Variants in ABCA4 observed in about 807,000 individuals in gnomAD.
The protein encoded by ABCA4 is retinal-specific phospholipid-transporting ATPase ABCA4.
In ABCA4, 196 loss-of-function variants were observed where a neutral mutation model predicts 263.7. The ratio of observed to expected loss-of-function variants is 0.74; its 90% CI spans 0.66 to 0.84. The LOEUF is 0.84. Ranked by LOEUF, ABCA4 falls within the 40% of genes least tolerant of loss-of-function variation. ABCA4 has a pLI of 0.00. For synonymous variants in ABCA4, 1,133 were observed against 1,094.2 expected (o/e 1.04, Z -0.70); for missense variants, 2,792 against 2,855.1 (o/e 0.98, Z 0.50).
At chr1:94,120,875 A>T in intron 1 of ABCA4, 105 bp downstream of exon 1, 3 of 758,334 alleles carry the variant, frequency 4.0e-6, no homozygotes, top group Non-Finnish European at 6.7e-6. Context: ...ACTGCTCACA[A>T]CCCCCCACCC....
intron 37 of ABCA4, 129 bp from the exon 38 acceptor site, chr1:94,014,819 C>T (rs576367736): frequency 8.7e-7 from 1 of 1,154,986 alleles, no homozygotes; most frequent in African/African-American, 1.5e-5. Flanking sequence ...CCCAGGGGAC[C>T]AGAGAGATAC....
chr1:94,096,071 T>C (rs1302083681), intron 6 of ABCA4, among the ~76,000 whole-genome samples: 1 of 152,188 alleles, frequency 6.6e-6, no homozygotes, highest in Non-Finnish European at 1.5e-5. Context: ...TGAAAGTTCT[T>C]TGGACCCTCA....
rs767972465 is a variant in ABCA4, at chr1:94,005,585, G to A, written c.6006-3C>T. 6.2e-7 allele frequency: 1 copy of A among 1,613,684 alleles called. No homozygotes were observed. Among genetic ancestry groups the A allele is most frequent in the Non-Finnish European group, 8.5e-7 (1 of 1,179,700 alleles). On this transcript the variant is annotated splice_polypyrimidine_tract_variant and splice_region_variant and intron_variant, in intron 43 of 49. Coordinates refer to ENST00000370225, the MANE Select transcript of ABCA4 (RefSeq NM_000350.3). ...CTTCAGAAATATTGGTTAAAATACT[G>A]CAAGAAAAAAAGCAATTACTGAGTA... is the stretch of plus-strand genomic sequence containing the variant.
In ABCA4 at chr1:94,011,341, G is replaced by T. The variant is rs779037470; in HGVS notation, c.5505C>A (p.Val1835=). Residue 1835 remains valine, a synonymous_variant, in exon 39 of 50, where the codon GTC becomes GTA. Transcript: ENST00000370225. The part of the protein sequence containing the change: ...FNAVLRKLLI[V]FPHFCLGRGL... ...CCCGGCCCAGGCAGAAGTGGGGGAAGACAATGAGCAGCTTCCTCAGCACGG... is the reference window on the plus strand; with the variant it reads ...CCCGGCCCAGGCAGAAGTGGGGGAATACAATGAGCAGCTTCCTCAGCACGG... 15 of 1,613,994 alleles carry T rather than the reference G, an allele frequency of 9.3e-6. No homozygotes were observed. The highest frequency in any genetic ancestry group is 8.5e-7 in the Non-Finnish European group (1 of 1,180,026).
intron 17 of ABCA4, among the ~76,000 whole-genome samples, chr1:94,050,775 A>C (rs1196288721): frequency 6.6e-6 from 1 of 152,216 alleles, no homozygotes; most frequent in Non-Finnish European, 1.5e-5. Context: ...AAAAGCAAAA[A>C]ACAAAAGAAA....
intron 44 of ABCA4, among the ~76,000 whole-genome samples, chr1:94,002,586 C>T (rs1659222337): frequency 6.6e-6 from 1 of 152,206 alleles, no homozygotes; most frequent in Non-Finnish European, 1.5e-5. Flanking sequence ...TGTGTGTGCA[C>T]ATGCGCAGGA....
At chr1:94,071,723 C>T (rs1661403622) in intron 11 of ABCA4, among the ~76,000 whole-genome samples, 1 of 152,198 alleles carries the variant, frequency 6.6e-6, no homozygotes, top group South Asian at 2.1e-4. Context: ...ACTATTTGGA[C>T]CTCCACCCAT....
intron 37 of ABCA4, 101 bp downstream of exon 37, chr1:94,015,638 A>C: frequency 1.1e-6 from 1 of 941,254 alleles, no homozygotes; most frequent in Non-Finnish European, 1.7e-6. Flanking sequence ...TGTGGGTGCT[A>C]CCACCACAGG....
At chr1:94,015,299 C>G (rs1233661538) in intron 37 of ABCA4, among the ~76,000 whole-genome samples, 1 of 152,186 alleles carries the variant, frequency 6.6e-6, no homozygotes, top group Admixed American at 6.5e-5. Flanking sequence ...CCTGTGTCAT[C>G]CTCTGTCCCT....
At chr1:94,001,189 G>C in intron 45 of ABCA4, 84 bp from the exon 46 acceptor site, 1 of 1,138,598 alleles carries the variant, frequency 8.8e-7, no homozygotes, top group Non-Finnish European at 1.3e-6. Context: ...GCTCCCCTGT[G>C]GAGGATGAGC....
intron 45 of ABCA4, 67 bp from the exon 46 acceptor site, chr1:94,001,172 T>G: frequency 7.4e-7 from 1 of 1,344,132 alleles, no homozygotes; most frequent in African/African-American, 1.5e-5. Context: ...TGCTTCCCCC[T>G]GGGCTGGCTC....
chr1:94,053,501 C>A (rs1318043391), intron 16 of ABCA4, among the ~76,000 whole-genome samples: 1 of 152,200 alleles, frequency 6.6e-6, no homozygotes, highest in Non-Finnish European at 1.5e-5. Flanking sequence ...TGTTTAGGAA[C>A]AGGGTCATTG....
intron 39 of ABCA4, 68 bp downstream of exon 39, chr1:94,011,194 G>A: frequency 1.2e-6 from 2 of 1,611,018 alleles, no homozygotes; most frequent in South Asian, 1.1e-5. Flanking sequence ...TGATGCAGGA[G>A]CCCCCCCGGT....
chr1:94,031,800 C>T lies in ABCA4; in HGVS notation c.4106G>A (p.Ser1369Asn). Residue 1369 changes from serine to asparagine, a missense_variant, in exon 27 of 50, where the codon AGC becomes AAC. Transcript: ENST00000370225. ...TACCTGCGCCAGGAAGTCCTTGTGG[C>T]TGCGGATGGTGTGTTGGAATCTCTT... The part of the protein sequence containing the change: ...LVKRFQHTIR[S>N]HKDFLAQIVL... The T allele has an allele frequency of 6.2e-7, 1 of 1,613,870 alleles. No homozygotes were observed. The highest frequency in any genetic ancestry group is 8.5e-7 in the Non-Finnish European group (1 of 1,180,040).
At chr1:94,019,279 T>C (rs1659827892) in intron 36 of ABCA4, 1 of 304,002 alleles carries the variant, frequency 3.3e-6, no homozygotes, top group Non-Finnish European at 6.3e-6. Context: ...AAGGCCAGAC[T>C]CATGCCTGCG....
intron 43 of ABCA4, among the ~76,000 whole-genome samples, chr1:94,006,724 C>G (rs1213145405): frequency 1.3e-5 from 2 of 152,168 alleles, no homozygotes; most frequent in African/African-American, 4.8e-5. Context: ...GAAGCGTGCT[C>G]AGGACTCGTC....
intron 7 of ABCA4, 32 bp downstream of exon 7, chr1:94,083,320 G>A: frequency 6.7e-7 from 1 of 1,503,256 alleles, no homozygotes; most frequent in Non-Finnish European, 9.2e-7. Flanking sequence ...AAGACATAAT[G>A]AAATTATAAT....
chr1:94,015,257 A>G (rs1212309351), intron 37 of ABCA4, among the ~76,000 whole-genome samples: 1 of 152,200 alleles, frequency 6.6e-6, no homozygotes, highest in African/African-American at 2.4e-5. Flanking sequence ...AGAAAGTTGC[A>G]TGCTGGGCCC....
intron 11 of ABCA4, among the ~76,000 whole-genome samples, chr1:94,070,856 T>C (rs1347307761): frequency 6.6e-6 from 1 of 152,138 alleles, no homozygotes; most frequent in Non-Finnish European, 1.5e-5. Flanking sequence ...GCCTTTACCT[T>C]AACAGCAATG....
Sources: gnomAD v4.1 joint callset for allele counts (sites outside exome capture counted in the v4.1 genomes callset) on GRCh38, gnomAD v4.1.1 for gene constraint, MANE v1.5 for transcripts, NCBI Gene and HGNC (gene_info 2026-07-23, HGNC 2026-07-21) for gene names.